Variants in MAGI2 observed in about 807,000 individuals in gnomAD.
The protein encoded by MAGI2 is membrane associated guanylate kinase, WW and PDZ domain containing 2, also known as membrane-associated guanylate kinase, WW and PDZ domain-containing protein 2.
A neutral mutation model predicts 133.3 loss-of-function variants in MAGI2; 35 were observed. The ratio of observed to expected loss-of-function variants is 0.26; its 90% CI spans 0.20 to 0.35. The LOEUF (loss-of-function observed/expected upper bound fraction) is 0.35, where lower values mean the gene tolerates loss of function less well. Ranked by LOEUF, MAGI2 falls within the 10% of genes least tolerant of loss-of-function variation. MAGI2 has a pLI of 1.00. For synonymous variants in MAGI2, 729 were observed against 710.6 expected, an observed-to-expected ratio of 1.03 and a Z score of -0.41; for missense variants, 1,636 against 1,863.4, an observed-to-expected ratio of 0.88 and a Z score of 2.25.
intron 12 of MAGI2, among the ~76,000 whole-genome samples, chr7:78,187,579 A>C (rs1452763510): frequency 6.6e-6 from 1 of 152,206 alleles, no homozygotes; most frequent in South Asian, 2.1e-4. Flanking sequence ...TTTTGTTTCA[A>C]ATAAAGAGCC....
chr7:78,579,112 T>G (rs11765998), intron 3 of MAGI2, among the ~76,000 whole-genome samples: 22,149 of 151,934 alleles, frequency 0.15, 2,077 homozygotes, highest in Non-Finnish European at 0.21. Flanking sequence ...GACTATAAGC[T>G]CCATGCTACT....
At chr7:79,394,001 C>T (rs987257703) in intron 1 of MAGI2, among the ~76,000 whole-genome samples, 2 of 152,076 alleles carry the variant, frequency 1.3e-5, no homozygotes, top group Non-Finnish European at 2.9e-5. Context: ...TAATGATCAT[C>T]AACTCATCAA....
chr7:79,406,726 T>C (rs1261263018), intron 1 of MAGI2, among the ~76,000 whole-genome samples: 2 of 152,136 alleles, frequency 1.3e-5, no homozygotes, highest in Non-Finnish European at 2.9e-5. Context: ...GTTCAACAAA[T>C]ATTTATTGAG....
intron 3 of MAGI2, among the ~76,000 whole-genome samples, chr7:78,622,806 G>T (rs1348906040): frequency 6.6e-6 from 1 of 151,988 alleles, no homozygotes; most frequent in Non-Finnish European, 1.5e-5. Flanking sequence ...TGAGAAAAGA[G>T]ATTCTTATTA....
chr7:79,057,097 A>G (rs1404455432), intron 1 of MAGI2, among the ~76,000 whole-genome samples: 3 of 152,210 alleles, frequency 2.0e-5, no homozygotes, highest in Admixed American at 6.5e-5. Flanking sequence ...ATTCTTTTTC[A>G]AGCTCACAGA....
At chr7:79,124,945 C>T (rs1373720774) in intron 1 of MAGI2, 2 of 285,804 alleles carry the variant, frequency 7.0e-6, no homozygotes, top group Non-Finnish European at 1.4e-5. Context: ...TGGATGCAGC[C>T]CTGAATTAAA....
At chr7:78,235,600 G>A (rs549340208) in intron 10 of MAGI2, among the ~76,000 whole-genome samples, 21 of 152,230 alleles carry the variant, frequency 1.4e-4, no homozygotes, top group African/African-American at 5.1e-4. Flanking sequence ...TGTGAAGAAG[G>A]ACATGTTTGC....
chr7:78,536,762 T>G (rs572529242), intron 3 of MAGI2, among the ~76,000 whole-genome samples: 326 of 17,304 alleles, frequency 0.019, 2 homozygotes, highest in Middle Eastern at 0.071. Flanking sequence ...TGTTGTTGTT[T>G]TTTTTTTTTT....
At chr7:79,042,865 C>T (rs1811798740) in intron 1 of MAGI2, among the ~76,000 whole-genome samples, 1 of 151,882 alleles carries the variant, frequency 6.6e-6, no homozygotes, top group South Asian at 2.1e-4. Flanking sequence ...AAGAAAAAAA[C>T]AAAACCATAT....
At chr7:78,452,442 A>AT (rs1472478894) in intron 6 of MAGI2, among the ~76,000 whole-genome samples, 1 of 152,032 alleles carries the variant, frequency 6.6e-6, no homozygotes, top group East Asian at 1.9e-4. Flanking sequence ...GCTTATGATT[A>AT]TTTTTGTTTA....
At chr7:78,202,211 A>G (rs1206872844) in intron 10 of MAGI2, among the ~76,000 whole-genome samples, 1 of 152,194 alleles carries the variant, frequency 6.6e-6, no homozygotes, top group African/African-American at 2.4e-5. Flanking sequence ...TCTTTAAAAC[A>G]GACTTGTTCA....
chr7:78,428,865 G>A (rs1056391845), intron 6 of MAGI2, among the ~76,000 whole-genome samples: 1 of 152,166 alleles, frequency 6.6e-6, no homozygotes, highest in Non-Finnish European at 1.5e-5. Context: ...AGTGATTCAA[G>A]CTTCAGAGAC....
chr7:78,028,195 C>A (rs1809150046), intron 21 of MAGI2, among the ~76,000 whole-genome samples: 1 of 152,204 alleles, frequency 6.6e-6, no homozygotes, highest in Non-Finnish European at 1.5e-5. Context: ...TGCATCTGCT[C>A]TTTCTGAAGC....
chr7:78,255,859 A>C, intron 10 of MAGI2, 84 bp downstream of exon 10: 1 of 1,363,016 alleles, frequency 7.3e-7, no homozygotes, highest in South Asian at 1.2e-5. Context: ...TTCAACTCCA[A>C]GGAAATCTGC....
At chr7:78,259,213 T>C (rs1186587622) in intron 9 of MAGI2, among the ~76,000 whole-genome samples, 1 of 152,140 alleles carries the variant, frequency 6.6e-6, no homozygotes, top group East Asian at 1.9e-4. Context: ...TTTTAACTCA[T>C]TGACTATTTT....
chr7:79,372,447 G>C (rs1237851256), intron 1 of MAGI2, among the ~76,000 whole-genome samples: 1 of 152,046 alleles, frequency 6.6e-6, no homozygotes, highest in Non-Finnish European at 1.5e-5. Context: ...GAATAGACTA[G>C]ACTTAGAGTA....
At position 78,127,171 on chromosome 7, in the gene MAGI2, C is replaced by A. The variant is rs776217457; in HGVS notation, c.3423+26G>T. The A allele has an allele frequency of 2.6e-6, 4 of 1,524,380 alleles. No homozygotes were observed. The South Asian group carries it at 5.2e-5, about 20-fold the overall frequency. The allele number at this position is 1,524,380 out of a possible 1,614,324, so 94.4% of individuals were successfully genotyped here. On this transcript the variant is annotated intron_variant, in intron 19 of 21. Coordinates refer to ENST00000354212, the MANE Select transcript of MAGI2 (RefSeq NM_012301.4). ...GTTCTCTGGAAGCCTTGGTCAGGACCCACCCTGCTCTCCGGGAGGAGGTAC... is the reference window on the plus strand; with the variant it reads ...GTTCTCTGGAAGCCTTGGTCAGGACACACCCTGCTCTCCGGGAGGAGGTAC...
intron 6 of MAGI2, among the ~76,000 whole-genome samples, chr7:78,478,263 G>A (rs546862162): frequency 1.2e-3 from 188 of 151,920 alleles, no homozygotes; most frequent in African/African-American, 4.3e-3. Flanking sequence ...CCATGTCCCT[G>A]CAAAGAACAT....
At chr7:78,914,296 C>T in intron 2 of MAGI2, among the ~76,000 whole-genome samples, 1 of 151,970 alleles carries the variant, frequency 6.6e-6, no homozygotes, top group East Asian at 1.9e-4. Context: ...AATGGCTCTT[C>T]CTGTGTGCAT....
Sources: gnomAD v4.1 joint callset for allele counts (sites outside exome capture counted in the v4.1 genomes callset) on GRCh38, gnomAD v4.1.1 for gene constraint, MANE v1.5 for transcripts, NCBI Gene and HGNC (gene_info 2026-07-23, HGNC 2026-07-21) for gene names.